PPEF1: variants seen among roughly 807,000 people sequenced by gnomAD.
The protein encoded by PPEF1 is serine/threonine-protein phosphatase with EF-hands 1.
Under a neutral mutation model 53.3 loss-of-function variants are expected in PPEF1, and 12 were observed. The observed-to-expected ratio is 0.23, with a 90% CI of 0.14 to 0.36. The LOEUF is 0.36. PPEF1 is among the 10% of genes least tolerant of loss of function. The probability of loss-of-function intolerance (pLI) is 1.00; values close to 1 mark genes in which losing one functional copy is unlikely to be tolerated. For missense variants in PPEF1, 334 were observed against 490.4 expected, an observed-to-expected ratio of 0.68 and a Z score of 3.01; for synonymous variants, 165 against 176.7, an observed-to-expected ratio of 0.93 and a Z score of 0.52.
intron 6 of PPEF1, among the ~76,000 whole-genome samples, chrX:18,770,967 A>C (rs1046810207): frequency 2.7e-5 from 3 of 112,549 alleles, no homozygotes; most frequent in Non-Finnish European, 3.8e-5. Context: ...TTGGCTATAC[A>C]CTGCAGTCAC....
At chrX:18,777,887 G>A (rs1030156557) in intron 6 of PPEF1, among the ~76,000 whole-genome samples, 14 of 110,426 alleles carry the variant, frequency 1.3e-4, no homozygotes, top group Non-Finnish European at 2.1e-4. Flanking sequence ...TGGGATTATA[G>A]GCGCACACCA....
chrX:18,727,411 C>G (rs1044695975), intron 1 of PPEF1, among the ~76,000 whole-genome samples: 1 of 111,428 alleles, frequency 9.0e-6, no homozygotes, highest in African/African-American at 3.3e-5. Context: ...CAGATTTCAG[C>G]CATGCCACTG....
At chrX:18,699,863 T>C (rs73458606) in intron 5 of PPEF1, among the ~76,000 whole-genome samples, 4,412 of 112,542 alleles carry the variant, frequency 0.039, 216 homozygotes, top group African/African-American at 0.13. Flanking sequence ...TAATGTAACG[T>C]TTTCTAAAAA....
rs1439318106 is a variant in PPEF1 at position 18,789,405 on chromosome X, T to C, written c.1065+132T>C. 1.5e-5 allele frequency: 9 copies of C among 600,275 alleles called. No homozygotes were observed. In the East Asian group the frequency reaches 2.9e-4, roughly 19 times the overall value. The allele number at this position is 600,275 out of a possible 1,213,427, so 49.5% of individuals were successfully genotyped here. A position where few individuals can be genotyped will look rare whatever the true frequency, so the allele number is the denominator to read the frequency against. On this transcript the variant is annotated intron_variant, in intron 10 of 15. Transcript: ENST00000470157. ...ATGATTCTCTTGGAATTCATCACTA[T>C]ATTTTTAACAGCTTTATTGAGATAT...
intron 3 of PPEF1, among the ~76,000 whole-genome samples, chrX:18,742,865 A>T (rs866759327): frequency 1.9e-5 from 2 of 103,339 alleles, no homozygotes; most frequent in African/African-American, 6.9e-5. Flanking sequence ...AAAAAAAAAA[A>T]TTTGGTTACC....
intron 13 of PPEF1, among the ~76,000 whole-genome samples, chrX:18,820,799 A>C (rs1319961991): frequency 3.8e-4 from 43 of 112,451 alleles, no homozygotes; most frequent in Non-Finnish European, 2.8e-4. Context: ...CTGGAACATA[A>C]AGTGAATCTC....
intron 13 of PPEF1, among the ~76,000 whole-genome samples, chrX:18,818,655 C>G (rs991251502): frequency 8.9e-6 from 1 of 111,933 alleles, no homozygotes; most frequent in African/African-American, 3.2e-5. Context: ...AGGCGTGAGC[C>G]ACCCGGCCCT....
At chrX:18,815,815 C>G (rs1398126308) in intron 12 of PPEF1, among the ~76,000 whole-genome samples, 12 of 109,872 alleles carry the variant, frequency 1.1e-4, no homozygotes, top group Non-Finnish European at 1.9e-4. Flanking sequence ...TATTTCATTT[C>G]TTACTGCTCT....
chrX:18,795,725 C>G (rs1039435453), intron 10 of PPEF1, among the ~76,000 whole-genome samples: 26 of 111,944 alleles, frequency 2.3e-4, no homozygotes, highest in African/African-American at 8.1e-4. Context: ...CAGCTATGTG[C>G]ATTATCTCAT....
Position 18,803,969 on chromosome X carries a change from T to C in PPEF1, c.1143T>C (p.Tyr381=). ...ATACGTGCCGAGGAGGGGGCTGCTA[T>C]TTTGGACCAGATGTTACTTCCAAGA... ...FPNTCRGGGC[Y]FGPDVTSKIL... is the part of the protein sequence containing the mutation. The change falls in exon 11 of 16, where the codon TAT becomes TAC. Residue 381 remains tyrosine, a synonymous_variant. Transcript: ENST00000470157. The C allele has an allele frequency of 1.7e-5, 21 of 1,207,762 alleles. No individual in the cohort carries two copies. Among genetic ancestry groups the C allele is most frequent in the Non-Finnish European group, 2.4e-5 (21 of 892,396 alleles).
chrX:18,757,438 A>G (rs2072824683), intron 4 of PPEF1, among the ~76,000 whole-genome samples, 189 bp from the exon 5 acceptor site: 1 of 111,026 alleles, frequency 9.0e-6, no homozygotes, highest in Non-Finnish European at 1.9e-5. Flanking sequence ...TCTCAGTTAC[A>G]CACGTCGACT....
chrX:18,717,821 C>T (rs1465240664), intron 1 of PPEF1, among the ~76,000 whole-genome samples: 1 of 111,841 alleles, frequency 8.9e-6, no homozygotes, highest in Non-Finnish European at 1.9e-5. Context: ...GTCACTCTAA[C>T]ACTCTCCTTG....
intron 10 of PPEF1, among the ~76,000 whole-genome samples, chrX:18,802,325 G>C (rs912876808): frequency 9.0e-6 from 1 of 111,235 alleles, no homozygotes; most frequent in Non-Finnish European, 1.9e-5. Flanking sequence ...TCCTGACTCA[G>C]CCTCCCAAAG....
At chrX:18,809,065 T>A in intron 12 of PPEF1, among the ~76,000 whole-genome samples, 1 of 104,793 alleles carries the variant, frequency 9.5e-6, no homozygotes, top group East Asian at 3.0e-4. Context: ...GATTTATATA[T>A]TATATATATA....
intron 6 of PPEF1, among the ~76,000 whole-genome samples, chrX:18,772,960 G>T (rs1401075027): frequency 8.9e-6 from 1 of 112,988 alleles, no homozygotes; most frequent in East Asian, 2.8e-4. Context: ...CAAAGTGAGT[G>T]ATCCAAGAAA....
intron 1 of PPEF1, among the ~76,000 whole-genome samples, chrX:18,676,321 C>T (rs73456553): frequency 0.013 from 1,482 of 111,001 alleles, 29 homozygotes; most frequent in African/African-American, 0.046. Flanking sequence ...CGTAGGAAAA[C>T]GGAGGCAGTT....
At chrX:18,730,104 C>T in intron 1 of PPEF1, 77 bp from the exon 2 acceptor site, 2 of 1,013,409 alleles carry the variant, frequency 2.0e-6, no homozygotes, top group Non-Finnish European at 2.6e-6. Context: ...CTTTTTTTTT[C>T]CACTGAAGCA....
intron 1 of PPEF1, among the ~76,000 whole-genome samples, chrX:18,713,764 A>G (rs774232449): frequency 9.0e-6 from 1 of 111,630 alleles, no homozygotes; most frequent in African/African-American, 3.2e-5. Flanking sequence ...CCTTCAATGT[A>G]TTTTTTGTAT....
At chrX:18,753,991 TC>T (rs1456037016) in intron 4 of PPEF1, among the ~76,000 whole-genome samples, 2 of 109,061 alleles carry the variant, frequency 1.8e-5, no homozygotes, top group Non-Finnish European at 3.8e-5. Context: ...AAATCTCTGT[TC>T]CTTTAGCTTG....
Sources: allele counts gnomAD v4.1 joint callset (sites outside exome capture counted in the v4.1 genomes callset), GRCh38; gene constraint gnomAD v4.1.1; transcripts MANE v1.5; gene names NCBI Gene and HGNC (gene_info 2026-07-23, HGNC 2026-07-21).